FNDC3A: variants seen among roughly 807,000 people sequenced by gnomAD.
FNDC3A encodes fibronectin type-III domain-containing protein 3A.
FNDC3A carries 32 observed loss-of-function variants against 148.9 expected under a neutral mutation model. That is an observed-to-expected ratio of 0.21 (90% CI 0.16 to 0.29). The LOEUF is 0.29. FNDC3A is among the 10% of genes least tolerant of loss of function. The pLI is 1.00. For missense variants in FNDC3A, 1,191 were observed against 1,452.8 expected (o/e 0.82, Z 2.93); for synonymous variants, 472 against 473.6 (o/e 1.00, Z 0.04).
At chr13:49,055,284 T>C (rs1041239628) in intron 2 of FNDC3A, among the ~76,000 whole-genome samples, 2 of 152,064 alleles carry the variant, frequency 1.3e-5, no homozygotes, top group African/African-American at 4.8e-5. Context: ...TATTTCTTTG[T>C]AGAGATGGGG....
chr13:49,039,075 G>T (rs1874723246), intron 2 of FNDC3A, among the ~76,000 whole-genome samples: 1 of 152,056 alleles, frequency 6.6e-6, no homozygotes, highest in Non-Finnish European at 1.5e-5. Flanking sequence ...GGTGCTGCGG[G>T]TCAGATGTAA....
chr13:49,078,482 A>G (rs1878264494), intron 3 of FNDC3A, among the ~76,000 whole-genome samples: 2 of 152,204 alleles, frequency 1.3e-5, no homozygotes, highest in South Asian at 4.1e-4. Context: ...TTTTAAAATT[A>G]TTGGGTAGAG....
intron 19 of FNDC3A, among the ~76,000 whole-genome samples, chr13:49,193,973 A>G (rs765808491): frequency 1.8e-4 from 27 of 151,984 alleles, no homozygotes; most frequent in Non-Finnish European, 3.5e-4. Context: ...TTATATTTGG[A>G]ATTTTGGCTA....
intron 1 of FNDC3A, among the ~76,000 whole-genome samples, chr13:48,988,964 C>A (rs1566176083): frequency 6.6e-6 from 1 of 152,044 alleles, no homozygotes; most frequent in Non-Finnish European, 1.5e-5. Context: ...GGAAACTACA[C>A]AGGGCTGGAG....
chr13:49,021,714 G>T (rs1324126329), intron 2 of FNDC3A, among the ~76,000 whole-genome samples: 5 of 152,122 alleles, frequency 3.3e-5, no homozygotes, highest in African/African-American at 7.2e-5. Context: ...AATTAGTTTT[G>T]ACGATTTACG....
At chr13:49,129,371 G>A (rs1881892695) in intron 4 of FNDC3A, among the ~76,000 whole-genome samples, 1 of 152,186 alleles carries the variant, frequency 6.6e-6, no homozygotes, top group Admixed American at 6.5e-5. Flanking sequence ...CAACTTAGAA[G>A]GTAGTTTGGA....
At chr13:49,124,295 A>G (rs1328530472) in intron 4 of FNDC3A, among the ~76,000 whole-genome samples, 1 of 152,128 alleles carries the variant, frequency 6.6e-6, no homozygotes, top group Non-Finnish European at 1.5e-5. Context: ...GAACAATGAG[A>G]ACACATAGAC....
intron 14 of FNDC3A, among the ~76,000 whole-genome samples, chr13:49,180,869 T>C (rs1885265437): frequency 1.3e-5 from 2 of 151,932 alleles, no homozygotes; most frequent in African/African-American, 4.8e-5. Flanking sequence ...CACTCCCGAC[T>C]GGGCAATACA....
At chr13:49,106,366 G>A (rs1880172177) in intron 3 of FNDC3A, among the ~76,000 whole-genome samples, 1 of 151,964 alleles carries the variant, frequency 6.6e-6, no homozygotes, top group Non-Finnish European at 1.5e-5. Flanking sequence ...AGGCTGGAGT[G>A]CAGTGGCAGG....
intron 2 of FNDC3A, among the ~76,000 whole-genome samples, chr13:49,048,901 A>G (rs1051376077): frequency 6.6e-6 from 1 of 152,110 alleles, no homozygotes; most frequent in African/African-American, 2.4e-5. Context: ...TCCAGTTCTC[A>G]GGGGGAATGC....
At chr13:49,162,154 G>C (rs927841671) in intron 8 of FNDC3A, among the ~76,000 whole-genome samples, 1 of 152,152 alleles carries the variant, frequency 6.6e-6, no homozygotes, top group African/African-American at 2.4e-5. Flanking sequence ...ATGTTGGCCT[G>C]CCTTGCTAGG....
At chr13:49,196,355 A>G (rs979156587) in intron 19 of FNDC3A, among the ~76,000 whole-genome samples, 3 of 152,234 alleles carry the variant, frequency 2.0e-5, no homozygotes, top group Non-Finnish European at 2.9e-5. Context: ...CGGGTAATGT[A>G]TGTTAAAAGT....
chr13:49,069,749 G>A (rs1877521346), intron 2 of FNDC3A, among the ~76,000 whole-genome samples: 1 of 152,168 alleles, frequency 6.6e-6, no homozygotes. Context: ...TATCAAAGAA[G>A]TGTTTGACAA....
intron 2 of FNDC3A, among the ~76,000 whole-genome samples, chr13:49,026,199 A>G (rs1404168330): frequency 6.6e-6 from 1 of 152,222 alleles, no homozygotes; most frequent in Non-Finnish European, 1.5e-5. Flanking sequence ...ATAAATGAAT[A>G]AAAATAAAAA....
chr13:49,127,713 C>G (rs1212485811), intron 4 of FNDC3A, among the ~76,000 whole-genome samples: 2 of 152,160 alleles, frequency 1.3e-5, no homozygotes, highest in Non-Finnish European at 2.9e-5. Flanking sequence ...GTCTTATAAA[C>G]TCTTCAAACT....
Position 49,183,175 on chromosome 13 carries a change from A to G in FNDC3A, c.1618-2789A>G, listed in dbSNP as rs146404166. Among the ~76,000 whole-genome samples the G allele has an allele frequency of 3.0e-3, 454 of 152,264 alleles. 3 individuals are homozygous for G. The highest frequency in any genetic ancestry group is 0.019 in the South Asian group (92 of 4,822). On this transcript the variant is annotated intron_variant, in intron 14 of 25. Coordinates refer to ENST00000492622, the MANE Select transcript of FNDC3A (RefSeq NM_001079673.2). Reference sequence around the variant, plus strand: ...CCCTGAGCAGAGCTCACTGTTCACTATTCACTTGTGCTCTTATGTACAGGG... The same window carrying G: ...CCCTGAGCAGAGCTCACTGTTCACTGTTCACTTGTGCTCTTATGTACAGGG...
Position 49,201,832 on chromosome 13 carries a change from C to T in FNDC3A, c.3020C>T (p.Thr1007Ile). The T allele has an allele frequency of 6.4e-7, 1 of 1,565,148 alleles. No homozygotes were observed. Among genetic ancestry groups the T allele is most frequent in the Non-Finnish European group, 8.7e-7 (1 of 1,153,156 alleles). ...FVSLYRGPCH[T>I]YKVQRLNEST... ...TCCCTATACAGAGGACCATGTCATA[C>T]ATACAAAGTACAAAGACTTAATGAG... Residue 1007 changes from threonine (T) to isoleucine (I), a missense_variant, in exon 24 of 26, where the codon ACA becomes ATA. By Grantham distance (89) the Thr-to-Ile change is moderately conservative. Around this residue, in one of 3 missense-constraint regions of FNDC3A, gnomAD observed 751 missense variants for 944.0 expected, o/e 0.80. Transcript: ENST00000492622.
chr13:49,142,117 A>C (rs1463183538), intron 7 of FNDC3A, among the ~76,000 whole-genome samples: 1 of 152,200 alleles, frequency 6.6e-6, no homozygotes, highest in Non-Finnish European at 1.5e-5. Context: ...ATAGAGTTCA[A>C]ATTACTTCCA....
At position 49,197,997 on chromosome 13, in the gene FNDC3A, G is replaced by A. The variant is rs1421584184; in HGVS notation, c.2506G>A (p.Gly836Ser). Residue 836 changes from glycine (G) to serine (S), a missense_variant, in exon 22 of 26, where the codon GGT (glycine) becomes AGT (serine). Gly to Ser is a moderately conservative substitution (Grantham distance 56, BLOSUM62 0). Around this residue, in one of 3 missense-constraint regions of FNDC3A, gnomAD observed 751 missense variants for 944.0 expected, o/e 0.80. Transcript: ENST00000492622. ...YCRVQALSVVGAGPFSEVVAC... is the reference protein window; with the variant it reads ...YCRVQALSVVSAGPFSEVVAC... ...TAATTTGTAGGCTCTGAGTGTTGTG[G>A]GTGCAGGCCCTTTCAGTGAAGTAGT... 2.6e-5 allele frequency: 42 copies of A among 1,612,744 alleles called. No homozygotes were observed. Among genetic ancestry groups the A allele is most frequent in the Non-Finnish European group, 3.3e-5 (39 of 1,179,112 alleles).
Sources: allele counts gnomAD v4.1 joint callset (sites outside exome capture counted in the v4.1 genomes callset), GRCh38; gene constraint gnomAD v4.1.1; regional missense constraint gnomAD v4.1.1; transcripts MANE v1.5; gene names NCBI Gene and HGNC (gene_info 2026-07-23, HGNC 2026-07-21).